Variants in ASTN1 observed in about 807,000 individuals in gnomAD.
The protein encoded by ASTN1 is astrotactin-1.
In ASTN1, 41 loss-of-function variants were observed where a neutral mutation model predicts 140.7. The observed-to-expected ratio is 0.29, with a 90% CI of 0.23 to 0.38. ASTN1 has a LOEUF of 0.38. Among genes scored for constraint, ASTN1 ranks in the 10% least tolerant of loss-of-function variants. The pLI is 1.00. For synonymous variants in ASTN1, 640 were observed against 652.2 expected (o/e 0.98, Z 0.29); for missense variants, 1,479 against 1,678.8 (o/e 0.88, Z 2.08).
At position 177,113,756 on chromosome 1, in the gene ASTN1, G is replaced by GT. The variant is rs564558192; in HGVS notation, c.283+50637dup. Among the ~76,000 whole-genome samples the GT allele has an allele frequency of 3.5e-3, 529 of 152,308 alleles. 3 individuals are homozygous for GT. The highest frequency in any genetic ancestry group is 0.012 in the African/African-American group (490 of 41,564). ...TCGCCACAGGATTCATCAATAGTCA[G>GT]TTACATGCCCTGCACAAACAGCTTA... On this transcript the variant is annotated intron_variant, in intron 1 of 22. Transcript: ENST00000361833.
chr1:176,904,793 C>G (rs1488014880), intron 16 of ASTN1, among the ~76,000 whole-genome samples: 1 of 152,192 alleles, frequency 6.6e-6, no homozygotes, highest in Non-Finnish European at 1.5e-5. Flanking sequence ...GACACGGCAA[C>G]TGTGGCAGAG....
intron 8 of ASTN1, among the ~76,000 whole-genome samples, chr1:176,986,449 C>T (rs1323828264): frequency 6.6e-6 from 1 of 152,102 alleles, no homozygotes; most frequent in Non-Finnish European, 1.5e-5. Context: ...TAACACCTTA[C>T]AGGTACAAAG....
At chr1:176,913,683 G>T (rs1670350616) in intron 16 of ASTN1, among the ~76,000 whole-genome samples, 1 of 152,230 alleles carries the variant, frequency 6.6e-6, no homozygotes, top group African/African-American at 2.4e-5. Flanking sequence ...GATAAAGTCT[G>T]CAAGCATCTC....
Position 176,934,242 on chromosome 1 carries a change from T to C in ASTN1, c.2581A>G (p.Ile861Val), listed in dbSNP as rs61758729. The C allele has an allele frequency of 3.5e-4, 572 of 1,614,098 alleles. 3 individuals carry two copies. In the African/African-American group the frequency reaches 6.9e-3, roughly 19 times the overall value. Residue 861 changes from isoleucine to valine, a missense_variant, in exon 16 of 23, where the codon ATC becomes GTC. Transcript: ENST00000361833. ...GAACAGGACTCCTCAAAGCCGTAGA[T>C]AGCTTCCTGGATGTAATGGTTGCCG... Reference protein sequence around the residue: ...QFGNHYIQEAIYGFEESCSIW... With the variant: ...QFGNHYIQEAVYGFEESCSIW...
rs1668934359 is a variant in ASTN1, at chr1:176,884,323, A to G, written c.3226+16T>C. The G allele has an allele frequency of 8.7e-6, 14 of 1,609,356 alleles. No individual in the cohort carries two copies. Among genetic ancestry groups the G allele is most frequent in the African/African-American group, 1.3e-5 (1 of 74,980 alleles). ...ACCTTGGATCAAGACAAGCCCATGA[A>G]GTAGAAGGTGCTCACCTGTCTCCAC... On this transcript the variant is annotated intron_variant, in intron 19 of 22. Transcript: ENST00000361833.
At chr1:176,911,603 A>G (rs1041088236) in intron 16 of ASTN1, among the ~76,000 whole-genome samples, 1 of 152,034 alleles carries the variant, frequency 6.6e-6, no homozygotes, top group Non-Finnish European at 1.5e-5. Context: ...ATACATTAGC[A>G]TTGTTTTCCA....
At chr1:177,121,870 A>G (rs571937524) in intron 1 of ASTN1, among the ~76,000 whole-genome samples, 2 of 152,222 alleles carry the variant, frequency 1.3e-5, no homozygotes, top group East Asian at 3.9e-4. Context: ...AGGAAGTACT[A>G]ATGGAAGAAC....
intron 1 of ASTN1, among the ~76,000 whole-genome samples, chr1:177,088,547 A>T (rs1679585303): frequency 6.6e-6 from 1 of 152,176 alleles, no homozygotes; most frequent in Non-Finnish European, 1.5e-5. Flanking sequence ...GGAAAAACAC[A>T]CTTTTTTTGT....
chr1:176,931,968 C>T (rs568431974), intron 16 of ASTN1, among the ~76,000 whole-genome samples: 21 of 152,308 alleles, frequency 1.4e-4, no homozygotes, highest in African/African-American at 4.6e-4. Flanking sequence ...CCTAAACTGT[C>T]GGGGCTGGAG....
chr1:177,127,474 G>A (rs1273557554), intron 1 of ASTN1, among the ~76,000 whole-genome samples: 1 of 152,056 alleles, frequency 6.6e-6, no homozygotes, highest in African/African-American at 2.4e-5. Context: ...CTCCATAACT[G>A]AGCAGCTACC....
At chr1:177,081,645 T>G (rs1430389665) in intron 1 of ASTN1, among the ~76,000 whole-genome samples, 5 of 152,124 alleles carry the variant, frequency 3.3e-5, no homozygotes, top group Non-Finnish European at 2.9e-5. Context: ...AGTCATGCAG[T>G]GATGGCAGGG....
intron 16 of ASTN1, among the ~76,000 whole-genome samples, chr1:176,897,481 T>A (rs760622734): frequency 6.6e-6 from 1 of 152,070 alleles, no homozygotes; most frequent in South Asian, 2.1e-4. Flanking sequence ...CCCTCCTTGT[T>A]GAGAATTTGT....
chr1:177,023,445 C>T lies in ASTN1; in HGVS notation c.1397G>A (p.Arg466Gln), dbSNP rs750207899. The part of the protein sequence containing the change: ...GPWAMDLCAR[R>Q]LLDPCEHQCD... ...TTGGTGTTCACAGGGGTCCAGGAGC[C>T]GCCGGGCACAGAGGTCCATGGCCCA... The change falls in exon 7 of 23, where the codon CGG (arginine) becomes CAG (glutamine). Residue 466 changes from arginine (R) to glutamine (Q), a missense_variant. By Grantham distance (43) the Arg-to-Gln change is conservative. Transcript: ENST00000361833. 1.5e-5 allele frequency: 24 copies of T among 1,604,680 alleles called. No homozygotes were observed. The highest frequency in any genetic ancestry group is 2.0e-5 in the Non-Finnish European group (23 of 1,175,942).
intron 1 of ASTN1, among the ~76,000 whole-genome samples, chr1:177,072,272 G>C (rs1190343288): frequency 1.3e-5 from 2 of 152,196 alleles, no homozygotes; most frequent in African/African-American, 4.8e-5. Flanking sequence ...GACTGAAATT[G>C]AGTTATTAAC....
Position 177,029,820 on chromosome 1 carries a change from G to A in ASTN1, c.1013-79C>T, listed in dbSNP as rs1676333127. 4 of 1,343,910 alleles carry A rather than the reference G, an allele frequency of 3.0e-6. No individual in the cohort carries two copies. In the South Asian group the frequency reaches 5.3e-5, roughly 18 times the overall value. 83.2% of individuals were successfully genotyped at this position (1,343,910 alleles called of 1,614,324 possible). On this transcript the variant is annotated intron_variant, in intron 4 of 22. Coordinates refer to ENST00000361833, the MANE Select transcript of ASTN1 (RefSeq NM_004319.3). The stretch of plus-strand genomic sequence containing the variant: ...ACCAAACCTTTGGGCAAGTTCAATG[G>A]GAAAATCAACAAAAATGAAAGTAAG...
intron 8 of ASTN1, among the ~76,000 whole-genome samples, chr1:176,989,704 G>A (rs1480940491): frequency 6.6e-6 from 1 of 152,134 alleles, no homozygotes. Context: ...AAGGGGTCCG[G>A]CAGGGCCATG....
At chr1:176,969,960 CACAG>C (rs1434056450) in intron 8 of ASTN1, among the ~76,000 whole-genome samples, 1 of 152,228 alleles carries the variant, frequency 6.6e-6, no homozygotes, top group African/African-American at 2.4e-5. Context: ...TAGCCTGTGC[CACAG>C]AGGAGCCCAT....
intron 2 of ASTN1, among the ~76,000 whole-genome samples, chr1:177,044,054 A>C (rs1269320449): frequency 2.0e-5 from 3 of 152,120 alleles, no homozygotes; most frequent in Non-Finnish European, 4.4e-5. Flanking sequence ...GGGCTTCGTT[A>C]AGCCACCAGC....
intron 7 of ASTN1, among the ~76,000 whole-genome samples, chr1:177,018,916 C>T (rs1423734245): frequency 6.6e-6 from 1 of 152,158 alleles, no homozygotes; most frequent in African/African-American, 2.4e-5. Context: ...CCCCACTTAA[C>T]CAGAGGCACA....
Sources: gnomAD v4.1 joint callset for allele counts (sites outside exome capture counted in the v4.1 genomes callset) on GRCh38, gnomAD v4.1.1 for gene constraint, MANE v1.5 for transcripts, NCBI Gene and HGNC (gene_info 2026-07-23, HGNC 2026-07-21) for gene names.